Variants in PABPC4L observed in about 807,000 individuals in gnomAD.
PABPC4L encodes polyadenylate-binding protein 4-like.
For missense variants in PABPC4L, 452 were observed against 451.4 expected (o/e 1.00, Z -0.01); for synonymous variants, 169 against 164.1 (o/e 1.03, Z -0.23).
the PABPC4L span, among the ~76,000 whole-genome samples, chr4:134,144,578 T>A: frequency 4.7e-5 from 5 of 107,488 alleles, no homozygotes; most frequent in African/African-American, 2.6e-4. Flanking sequence ...GCCTACCAGG[T>A]TAAAAAAAAA....
the PABPC4L span, among the ~76,000 whole-genome samples, chr4:134,007,642 G>A: frequency 1.3e-5 from 2 of 151,522 alleles, no homozygotes. Flanking sequence ...AAAATAATCT[G>A]AGCCCATGAG....
At chr4:133,956,181 G>T in the PABPC4L span, among the ~76,000 whole-genome samples, 1 of 152,104 alleles carries the variant, frequency 6.6e-6, no homozygotes. Flanking sequence ...TCTATTATTA[G>T]AAATAAAAAC....
chr4:133,980,020 A>G, the PABPC4L span, among the ~76,000 whole-genome samples: 12 of 152,046 alleles, frequency 7.9e-5, 1 homozygote, highest in Non-Finnish European at 4.4e-5. Context: ...TTTCCTGTTT[A>G]TAGTGCTTAG....
At chr4:134,101,000 AAAAC>A in the PABPC4L span, among the ~76,000 whole-genome samples, 4 of 151,562 alleles carry the variant, frequency 2.6e-5, no homozygotes, top group Non-Finnish European at 4.4e-5. Flanking sequence ...TTTCCCATCA[AAAAC>A]AAATGTATTA....
the PABPC4L span, among the ~76,000 whole-genome samples, chr4:134,082,149 G>T: frequency 1.3e-5 from 2 of 152,054 alleles, no homozygotes; most frequent in Admixed American, 6.6e-5. Flanking sequence ...AAGAATAAAA[G>T]GGATGTCTTA....
At chr4:134,095,898 C>T in the PABPC4L span, among the ~76,000 whole-genome samples, 13 of 152,080 alleles carry the variant, frequency 8.5e-5, no homozygotes, top group East Asian at 2.3e-3. Flanking sequence ...AGAGAACTTC[C>T]AGATCACTCT....
the PABPC4L span, among the ~76,000 whole-genome samples, chr4:134,025,531 G>A: frequency 2.0e-5 from 3 of 152,108 alleles, no homozygotes; most frequent in Non-Finnish European, 4.4e-5. Context: ...GAACTGAATT[G>A]AATCTATGAC....
At chr4:134,102,288 T>C in the PABPC4L span, among the ~76,000 whole-genome samples, 2 of 151,494 alleles carry the variant, frequency 1.3e-5, no homozygotes, top group African/African-American at 2.4e-5. Context: ...TAAAATGATA[T>C]AATAATGTTA....
chr4:134,180,564 A>T, the PABPC4L span, among the ~76,000 whole-genome samples: 1 of 151,996 alleles, frequency 6.6e-6, no homozygotes, highest in African/African-American at 2.4e-5. Context: ...GATGCAAAAA[A>T]TCATACAAGA....
At chr4:134,121,770 T>C in the PABPC4L span, among the ~76,000 whole-genome samples, 2 of 151,780 alleles carry the variant, frequency 1.3e-5, no homozygotes, top group Non-Finnish European at 2.9e-5. Flanking sequence ...TGAATATCAG[T>C]GTTCTTTGTG....
At chr4:134,000,691 T>G in the PABPC4L span, among the ~76,000 whole-genome samples, 10 of 152,186 alleles carry the variant, frequency 6.6e-5, no homozygotes, top group East Asian at 1.7e-3. Context: ...TCAATATGAG[T>G]GGCAGCAGTC....
the PABPC4L span, among the ~76,000 whole-genome samples, chr4:134,064,014 T>G: frequency 3.9e-5 from 6 of 152,082 alleles, no homozygotes; most frequent in Non-Finnish European, 1.5e-5. Flanking sequence ...AATTATTGAT[T>G]TGAATCACCA....
the PABPC4L span, among the ~76,000 whole-genome samples, chr4:134,139,383 ACAAT>A: frequency 6.6e-6 from 1 of 151,976 alleles, no homozygotes; most frequent in East Asian, 1.9e-4. Flanking sequence ...GAAACTGACA[ACAAT>A]CAATCAAAGT....
chr4:134,121,161 G>T, the PABPC4L span, among the ~76,000 whole-genome samples: 1 of 150,754 alleles, frequency 6.6e-6, no homozygotes, highest in Non-Finnish European at 1.5e-5. Flanking sequence ...AATTCTTTAT[G>T]ATCTTTATAA....
chr4:134,093,956 T>A, the PABPC4L span, among the ~76,000 whole-genome samples: 1 of 151,636 alleles, frequency 6.6e-6, no homozygotes, highest in African/African-American at 2.4e-5. Flanking sequence ...TTTATATTTT[T>A]AAAAATTTCT....
the PABPC4L span, among the ~76,000 whole-genome samples, chr4:134,072,527 G>T: frequency 6.6e-6 from 1 of 152,130 alleles, no homozygotes; most frequent in Non-Finnish European, 1.5e-5. Flanking sequence ...ATAACAACCT[G>T]CAAGTAGGGA....
the PABPC4L span, among the ~76,000 whole-genome samples, chr4:134,083,991 CTT>C: frequency 1.3e-5 from 2 of 151,856 alleles, no homozygotes; most frequent in African/African-American, 4.8e-5. Flanking sequence ...ATTTAAATGG[CTT>C]TTATTTTGTG....
chr4:133,969,528 A>AAACAACTGAAAAG, the PABPC4L span, among the ~76,000 whole-genome samples: 36 of 152,294 alleles, frequency 2.4e-4, no homozygotes, highest in Non-Finnish European at 4.3e-4. Context: ...TTATTCCATA[A>AAACAACTGAAAAG]AAACAACTGA....
the PABPC4L span, among the ~76,000 whole-genome samples, chr4:133,952,148 G>A: frequency 6.6e-6 from 1 of 152,116 alleles, no homozygotes. Flanking sequence ...TAACAACTGG[G>A]TTTCTCTTGA....
Sources: gnomAD v4.1 joint callset for allele counts (sites outside exome capture counted in the v4.1 genomes callset) on GRCh38, gnomAD v4.1.1 for gene constraint, MANE v1.5 for transcripts, NCBI Gene and HGNC (gene_info 2026-07-23, HGNC 2026-07-21) for gene names.